Variants in PDGFRL observed in about 807,000 individuals in gnomAD.
PDGFRL encodes the protein platelet derived growth factor receptor like.
Under a neutral mutation model 37.2 loss-of-function variants are expected in PDGFRL, and 46 were observed. The observed-to-expected ratio is 1.24, with a 90% CI of 0.98 to 1.58. PDGFRL has a LOEUF of 1.58. Ranked by LOEUF, PDGFRL falls within the 40% of genes most tolerant of loss-of-function variation. The probability of loss-of-function intolerance (pLI) is 0.00; values close to 1 mark genes in which losing one functional copy is unlikely to be tolerated. For missense variants in PDGFRL, 692 were observed against 467.6 expected (o/e 1.48, Z -4.43); for synonymous variants, 251 against 184.3 (o/e 1.36, Z -2.93).
In PDGFRL at chr8:17,636,543, G is replaced by A. The variant is rs372730860; in HGVS notation, c.939+2330G>A. ...ATAGTATAGTTTGAAGTCAGGTAAT[G>A]GGATGCCTCTAGATTTGTTTTTTTT... On this transcript the variant is annotated intron_variant, in intron 5 of 5. Coordinates refer to ENST00000251630, the MANE Select transcript of PDGFRL (RefSeq NM_001372073.1). 3.8e-5 allele frequency among the ~76,000 whole-genome samples: 5 copies of A among 133,316 alleles called. No homozygotes were observed. The East Asian group carries it at 9.2e-4, about 24-fold the overall frequency. The allele number at this position is 133,316 out of a possible 152,430, so 87.5% of individuals were successfully genotyped here.
In PDGFRL at chr8:17,622,247, G is replaced by T. The variant is rs537966434; in HGVS notation, c.505+1045G>T. 1.3e-3 allele frequency among the ~76,000 whole-genome samples: 201 copies of T among 152,322 alleles called. 1 individual carries two copies. Among genetic ancestry groups the T allele is most frequent in the African/African-American group, 4.6e-3 (191 of 41,572 alleles). ...TTAGGGGATGAAGTTCTCCAGCAAG[G>T]TTCAGAAGTCAGTAAGAGCTTTCAG... is the stretch of plus-strand genomic sequence containing the variant. On this transcript the variant is annotated intron_variant, in intron 3 of 5. Coordinates refer to ENST00000251630, the MANE Select transcript of PDGFRL (RefSeq NM_001372073.1).
upstream of PDGFRL, chr8:17,577,188 C>T: frequency 6.4e-7 from 1 of 1,572,282 alleles, no homozygotes. Context: ...CGCCCGCCGC[C>T]TCCCCTGCGT....
At position 17,642,707 on chromosome 8, in the gene PDGFRL, AAGACTTTG is replaced by A. The variant is rs765380068; in HGVS notation, c.1039_1046del (p.Phe347AspfsTer2). ...ATCTCCCAGAGTGTCATTACAGTGG[AAGACTTTG>A]AGACGATTGATGCAGGATATTACAT... On this transcript the variant is annotated frameshift_variant, in exon 6 of 6. Coordinates refer to ENST00000251630, the MANE Select transcript of PDGFRL (RefSeq NM_001372073.1). LOFTEE classifies it high-confidence loss of function. The A allele has an allele frequency of 1.2e-6, 2 of 1,603,814 alleles. No individual in the cohort carries two copies. The highest frequency in any genetic ancestry group is 1.7e-6 in the Non-Finnish European group (2 of 1,170,592).
At chr8:17,586,317 C>T (rs900371725) in intron 1 of PDGFRL, among the ~76,000 whole-genome samples, 2 of 152,166 alleles carry the variant, frequency 1.3e-5, no homozygotes, top group African/African-American at 4.8e-5. Flanking sequence ...TGGAAAAGCA[C>T]CTCCAGCTCT....
At position 17,628,666 on chromosome 8, in the gene PDGFRL, C is replaced by T. The variant is rs552327131; in HGVS notation, c.685C>T (p.Arg229Trp). 96 of 1,614,092 alleles carry T rather than the reference C, an allele frequency of 5.9e-5. No homozygotes were observed. The South Asian group carries it at 6.6e-4, about 11-fold the overall frequency. Reference sequence around the variant, plus strand: ...AACGGACATTGTTTATGACATGAAGCGGGGCTTTGTGTATCTGCAACCTCA... The same window carrying T: ...AACGGACATTGTTTATGACATGAAGTGGGGCTTTGTGTATCTGCAACCTCA... ...NGTDIVYDMK[R>W]GFVYLQPHSE... Residue 229 changes from arginine to tryptophan, a missense_variant, in exon 4 of 6, where the codon CGG becomes TGG. By Grantham distance (101) the Arg-to-Trp change is moderately radical. Coordinates refer to ENST00000251630, the MANE Select transcript of PDGFRL (RefSeq NM_001372073.1).
At chr8:17,616,744 G>A (rs762169212) in intron 2 of PDGFRL, among the ~76,000 whole-genome samples, 1 of 152,080 alleles carries the variant, frequency 6.6e-6, no homozygotes, top group Non-Finnish European at 1.5e-5. Context: ...CGGGAGCAGG[G>A]ACTTCTCTAG....
At chr8:17,611,989 A>G (rs1453380108) in intron 2 of PDGFRL, among the ~76,000 whole-genome samples, 1 of 152,176 alleles carries the variant, frequency 6.6e-6, no homozygotes. Context: ...AGCCTGGGTT[A>G]AACTCCAGGG....
At chr8:17,614,101 G>T (rs1022807633) in intron 2 of PDGFRL, among the ~76,000 whole-genome samples, 1 of 152,140 alleles carries the variant, frequency 6.6e-6, no homozygotes, top group African/African-American at 2.4e-5. Context: ...ATTGATAGAT[G>T]ATAGATCAGT....
At chr8:17,630,972 T>G (rs1804849381) in intron 4 of PDGFRL, among the ~76,000 whole-genome samples, 1 of 152,082 alleles carries the variant, frequency 6.6e-6, no homozygotes, top group Non-Finnish European at 1.5e-5. Context: ...TGTGTCTACC[T>G]GATCACCTGA....
At chr8:17,627,133 C>G (rs1171935982) in intron 3 of PDGFRL, among the ~76,000 whole-genome samples, 4 of 152,186 alleles carry the variant, frequency 2.6e-5, no homozygotes, top group Non-Finnish European at 5.9e-5. Flanking sequence ...TCCTGGCTGG[C>G]AGTTACTGAC....
chr8:17,590,279 C>CTGAAA lies in PDGFRL; in HGVS notation c.353+515_353+519dup, dbSNP rs538959109. Among the ~76,000 whole-genome samples, 36 of 103,712 alleles carry CTGAAA rather than the reference C, an allele frequency of 3.5e-4. No homozygotes were observed. In the East Asian group the frequency reaches 0.012, roughly 36 times the overall value. 68.0% of individuals were successfully genotyped at this position (103,712 alleles called of 152,430 possible). A position where few individuals can be genotyped will look rare whatever the true frequency, so the allele number is the denominator to read the frequency against. The stretch of plus-strand genomic sequence containing the variant: ...AAATTGCAAATCCTACCAACATTTG[C>CTGAAA]TGAAAGAGTGAAATTTTACAGGAAA... On this transcript the variant is annotated intron_variant, in intron 2 of 5. Transcript: ENST00000251630.
intron 3 of PDGFRL, among the ~76,000 whole-genome samples, chr8:17,624,267 A>G (rs1804690829): frequency 6.6e-6 from 1 of 152,152 alleles, no homozygotes; most frequent in African/African-American, 2.4e-5. Flanking sequence ...TTATGTTTGT[A>G]TGTTTCCTAG....
At chr8:17,598,974 T>C (rs528369501) in intron 2 of PDGFRL, among the ~76,000 whole-genome samples, 2 of 152,334 alleles carry the variant, frequency 1.3e-5, no homozygotes, top group Non-Finnish European at 1.5e-5. Flanking sequence ...TCAACTTCTT[T>C]CCTTTATACA....
Position 17,589,455 on chromosome 8 carries a change from T to C in PDGFRL, c.56-13T>C, listed in dbSNP as rs767381349. ...ATTACTACAGCGCATTTCTCTCTCC[T>C]TACGTTTTGCAGTTACTGGCCAACA... On this transcript the variant is annotated splice_polypyrimidine_tract_variant and intron_variant, in intron 1 of 5. Transcript: ENST00000251630. 2.0e-5 allele frequency: 32 copies of C among 1,602,512 alleles called. No individual in the cohort carries two copies. The highest frequency in any genetic ancestry group is 2.7e-5 in the Non-Finnish European group (32 of 1,172,872).
chr8:17,628,461 A>T (rs1804781972), intron 3 of PDGFRL, 26 bp from the exon 4 acceptor site: 1 of 1,601,954 alleles, frequency 6.2e-7, no homozygotes, highest in African/African-American at 1.3e-5. Flanking sequence ...GGAGTGAATA[A>T]GCCTGTGTCT....
chr8:17,611,809 A>T (rs1251107237), intron 2 of PDGFRL, among the ~76,000 whole-genome samples: 1 of 152,158 alleles, frequency 6.6e-6, no homozygotes, highest in Non-Finnish European at 1.5e-5. Flanking sequence ...TCTGAAGGGG[A>T]TGGGGGAGAC....
intron 5 of PDGFRL, among the ~76,000 whole-genome samples, chr8:17,640,684 G>T (rs1279167299): frequency 6.6e-6 from 1 of 152,138 alleles, no homozygotes; most frequent in Non-Finnish European, 1.5e-5. Flanking sequence ...GCAGGGGAGT[G>T]AAATGGATGA....
intron 5 of PDGFRL, among the ~76,000 whole-genome samples, chr8:17,640,388 C>T (rs562707749): frequency 1.8e-4 from 28 of 152,180 alleles, no homozygotes; most frequent in South Asian, 4.1e-4. Context: ...TTTACTGGTT[C>T]CTTCTTATTT....
chr8:17,624,120 AT>A (rs1804688604), intron 3 of PDGFRL, among the ~76,000 whole-genome samples: 1 of 152,068 alleles, frequency 6.6e-6, no homozygotes, highest in Non-Finnish European at 1.5e-5. Flanking sequence ...GGGTTTGGCA[AT>A]TTGTCTTTTC....
Sources: allele counts gnomAD v4.1 joint callset (sites outside exome capture counted in the v4.1 genomes callset), GRCh38; gene constraint gnomAD v4.1.1; transcripts MANE v1.5; gene names NCBI Gene and HGNC (gene_info 2026-07-23, HGNC 2026-07-21).